The following SV2B variants were observed in gnomAD, a reference collection of about 807,000 sequenced individuals.
The protein encoded by SV2B is synaptic vesicle glycoprotein 2B, also known as solute carrier family 22 member B2.
Under a neutral mutation model 73.9 loss-of-function variants are expected in SV2B, and 41 were observed. That is an observed-to-expected ratio of 0.56 (90% CI 0.43 to 0.72). SV2B has a LOEUF of 0.72. Ranked by LOEUF, SV2B falls within the 30% of genes least tolerant of loss-of-function variation. The pLI, the probability that SV2B is intolerant of heterozygous loss-of-function variation, is 0.00. For missense variants in SV2B, 764 were observed against 857.8 expected, an observed-to-expected ratio of 0.89 and a Z score of 1.37; for synonymous variants, 314 against 314.2, an observed-to-expected ratio of 1.00 and a Z score of 0.01.
At chr15:91,279,941 C>T (rs2048631732) in intron 9 of SV2B, among the ~76,000 whole-genome samples, 2 of 152,148 alleles carry the variant, frequency 1.3e-5, no homozygotes, top group South Asian at 4.1e-4. Flanking sequence ...AAGTCTGTAG[C>T]AAATTTGGCC....
Position 91,197,868 on chromosome 15 carries a change from T to C in SV2B, c.-391-28005T>C, listed in dbSNP as rs976014717. ...GGCCAACATGGTGAAAACCCATCTC[T>C]ACAAAAAATACAAAAATTAGCCAGG... On this transcript the variant is annotated intron_variant, in intron 1 of 12. Transcript: ENST00000394232. This position sits in a 1 kb window ranked among gnomAD's most constrained non-coding sequence, Gnocchi z 4.9. Among the ~76,000 whole-genome samples, 4 of 151,900 alleles carry C rather than the reference T, an allele frequency of 2.6e-5. No homozygotes were observed. Among genetic ancestry groups the C allele is most frequent in the Non-Finnish European group, 5.9e-5 (4 of 67,960 alleles).
At chr15:91,212,246 C>A (rs1469498212) in intron 1 of SV2B, among the ~76,000 whole-genome samples, 1 of 152,204 alleles carries the variant, frequency 6.6e-6, no homozygotes, top group African/African-American at 2.4e-5. Flanking sequence ...TGAAAACTCT[C>A]CAGAAAACTT....
rs1407900520 is a variant in SV2B, at chr15:91,123,118, A to G, written c.-392+22755A>G. Among the ~76,000 whole-genome samples, 2 of 152,172 alleles carry G rather than the reference A, an allele frequency of 1.3e-5. No individual in the cohort carries two copies. The highest frequency in any genetic ancestry group is 2.4e-5 in the African/African-American group (1 of 41,446). On this transcript the variant is annotated intron_variant, in intron 1 of 12. Transcript: ENST00000394232. The surrounding 1 kb of genome is among the most constrained non-coding windows in gnomAD (Gnocchi z 4.7). The stretch of plus-strand genomic sequence containing the variant: ...AAACCCTGTTTCTACAAAACAAAGT[A>G]CAAAAATTAGCTAAGCATGGTGGTG...
chr15:91,193,996 T>G (rs963963168), intron 1 of SV2B, among the ~76,000 whole-genome samples: 1 of 147,526 alleles, frequency 6.8e-6, no homozygotes, highest in African/African-American at 2.6e-5. Flanking sequence ...GGTATAGAGG[T>G]TTTTTTTGTT....
chr15:91,186,333 C>A (rs1208769507), intron 1 of SV2B, among the ~76,000 whole-genome samples: 1 of 152,028 alleles, frequency 6.6e-6, no homozygotes, highest in Non-Finnish European at 1.5e-5. Context: ...TGAGATAAAC[C>A]ACTGAGCAAA....
intron 1 of SV2B, among the ~76,000 whole-genome samples, chr15:91,108,379 A>C (rs962046067): frequency 6.6e-6 from 1 of 152,168 alleles, no homozygotes; most frequent in Non-Finnish European, 1.5e-5. Context: ...CATAATGAAA[A>C]TTTTGGAGTC....
At chr15:91,230,843 C>T (rs943217809) in intron 2 of SV2B, among the ~76,000 whole-genome samples, 4 of 152,076 alleles carry the variant, frequency 2.6e-5, no homozygotes, top group Admixed American at 6.5e-5. Context: ...ACAAACACCA[C>T]GACATAATCA....
intron 1 of SV2B, among the ~76,000 whole-genome samples, chr15:91,152,304 A>C (rs1596482967): frequency 1.3e-5 from 2 of 152,194 alleles, no homozygotes; most frequent in African/African-American, 4.8e-5. Flanking sequence ...CTCTATGAAC[A>C]CACATGGTTA....
At position 91,267,227 on chromosome 15, in the gene SV2B, G is replaced by GAAA; in HGVS notation, c.1120-328_1120-327insAAA. On this transcript the variant is annotated intron_variant, in intron 7 of 12. Coordinates refer to ENST00000394232, the MANE Select transcript of SV2B (RefSeq NM_001323032.3). The surrounding 1 kb of genome is among the most constrained non-coding windows in gnomAD (Gnocchi z 4.3). ...AGTAAATGTTTGCAATATCCCCCTT[G>GAAA]CCCACAGGCAGGGAGTAGAACTCAG... is the stretch of plus-strand genomic sequence containing the variant. Among the ~76,000 whole-genome samples the GAAA allele has an allele frequency of 6.6e-6, 1 of 152,168 alleles. No homozygotes were observed. The highest frequency in any genetic ancestry group is 1.5e-5 in the Non-Finnish European group (1 of 68,026).
At chr15:91,221,380 C>A (rs1172718772) in intron 1 of SV2B, among the ~76,000 whole-genome samples, 1 of 152,084 alleles carries the variant, frequency 6.6e-6, no homozygotes, top group African/African-American at 2.4e-5. Flanking sequence ...AGGATTGGAA[C>A]CTGGACCCTC....
At position 91,106,767 on chromosome 15, in the gene SV2B, A is replaced by T. The variant is rs987023664; in HGVS notation, c.-392+6404A>T. On this transcript the variant is annotated intron_variant, in intron 1 of 12. Coordinates refer to ENST00000394232, the MANE Select transcript of SV2B (RefSeq NM_001323032.3). This position sits in a 1 kb window ranked among gnomAD's most constrained non-coding sequence, Gnocchi z 4.4. Reference sequence around the variant, plus strand: ...ATTGTACTGCTCTTAATTTAAGATGAGGCAGAAGCAAGGAAGAATCTTGAA... The same window carrying T: ...ATTGTACTGCTCTTAATTTAAGATGTGGCAGAAGCAAGGAAGAATCTTGAA... Among the ~76,000 whole-genome samples, 5 of 152,232 alleles carry T rather than the reference A, an allele frequency of 3.3e-5. No individual in the cohort carries two copies. The East Asian group carries it at 9.6e-4, about 29-fold the overall frequency.
chr15:91,251,966 C>G lies in SV2B; in HGVS notation c.599C>G (p.Ala200Gly), dbSNP rs774010844. Residue 200 changes from alanine (A) to glycine (G), a missense_variant, in exon 3 of 13, where the codon GCC becomes GGC. Coordinates refer to ENST00000394232, the MANE Select transcript of SV2B (RefSeq NM_001323032.3). ...SLSSFVQGYG[A>G]FLFCRLISGI... ...TCTTCCTTCGTGCAGGGATATGGAG[C>G]CTTCCTCTTCTGCCGACTCATCTCA... 8 of 1,613,982 alleles carry G rather than the reference C, an allele frequency of 5.0e-6. No homozygotes were observed. The Admixed American group carries it at 6.7e-5, about 13-fold the overall frequency.
At chr15:91,185,321 A>G (rs2044728966) in intron 1 of SV2B, among the ~76,000 whole-genome samples, 2 of 152,228 alleles carry the variant, frequency 1.3e-5, no homozygotes, top group African/African-American at 4.8e-5. Flanking sequence ...GATGTGCAGC[A>G]TATTTTTGTG....
intron 2 of SV2B, among the ~76,000 whole-genome samples, chr15:91,237,501 T>C (rs988776373): frequency 4.6e-5 from 7 of 152,242 alleles, no homozygotes; most frequent in Non-Finnish European, 1.0e-4. Context: ...GAGCTGCTGA[T>C]AAAAAGCACA....
chr15:91,132,679 T>A lies in SV2B; in HGVS notation c.-392+32316T>A, dbSNP rs181336871. 7.2e-5 allele frequency among the ~76,000 whole-genome samples: 11 copies of A among 152,186 alleles called. No individual in the cohort carries two copies. The East Asian group carries it at 2.1e-3, about 29-fold the overall frequency. On this transcript the variant is annotated intron_variant, in intron 1 of 12. Transcript: ENST00000394232. This position sits in a 1 kb window ranked among gnomAD's most constrained non-coding sequence, Gnocchi z 4.6. ...GTATGAAACATTTAGGTTTTTTGCC[T>A]CCAGACCCTATTTCTCCTGCCTCAG...
intron 1 of SV2B, among the ~76,000 whole-genome samples, chr15:91,209,129 T>G (rs1025250074): frequency 3.4e-5 from 5 of 145,666 alleles, no homozygotes; most frequent in African/African-American, 5.3e-5. Flanking sequence ...TTTTTTTTTT[T>G]TTTTTTTTTT....
At chr15:91,198,598 G>A (rs2045345243) in intron 1 of SV2B, among the ~76,000 whole-genome samples, 1 of 152,144 alleles carries the variant, frequency 6.6e-6, no homozygotes, top group African/African-American at 2.4e-5. Flanking sequence ...TTATTTAAAT[G>A]AGATGCAGAA....
At chr15:91,154,193 A>C (rs1183129270) in intron 1 of SV2B, among the ~76,000 whole-genome samples, 2 of 148,432 alleles carry the variant, frequency 1.3e-5, no homozygotes, top group Admixed American at 6.7e-5. Context: ...ATTATATTAT[A>C]AAATTATATT....
rs1018863405 is a variant in SV2B, at chr15:91,300,221, G to A, written c.*7669G>A. ...AAAATAACTTATCCATGAATTTCAG[G>A]TTTCAAGGAAGGAGGAATATCTGAC... On this transcript the variant is annotated 3_prime_UTR_variant, in exon 13 of 13. Transcript: ENST00000394232. 2.0e-5 allele frequency: 3 copies of A among 152,092 alleles called. No homozygotes were observed. The highest frequency in any genetic ancestry group is 7.2e-5 in the African/African-American group (3 of 41,386). The allele number at this position is 152,092 out of a possible 1,614,324, so 9.4% of individuals were successfully genotyped here.
Sources: allele counts gnomAD v4.1 joint callset (sites outside exome capture counted in the v4.1 genomes callset), GRCh38; gene constraint gnomAD v4.1.1; non-coding constraint Gnocchi (gnomAD v3.1); transcripts MANE v1.5; gene names NCBI Gene and HGNC (gene_info 2026-07-23, HGNC 2026-07-21).